BAG4: variants seen among roughly 807,000 people sequenced by gnomAD.
BAG4 encodes BAG family molecular chaperone regulator 4.
Under a neutral mutation model 52.1 loss-of-function variants are expected in BAG4, and 28 were observed. The observed-to-expected ratio is 0.54, with a 90% CI of 0.40 to 0.74. The LOEUF is 0.74. Ranked by LOEUF, BAG4 falls within the 30% of genes least tolerant of loss-of-function variation. The pLI is 0.00. For missense variants in BAG4, 525 were observed against 572.0 expected (o/e 0.92, Z 0.84); for synonymous variants, 208 against 217.0 (o/e 0.96, Z 0.37).
chr8:38,188,597 A>G (rs1803408527), intron 1 of BAG4, among the ~76,000 whole-genome samples: 1 of 150,158 alleles, frequency 6.7e-6, no homozygotes, highest in African/African-American at 2.4e-5. Flanking sequence ...ACATATATAT[A>G]TGCATGTATA....
At position 38,207,364 on chromosome 8, in the gene BAG4, A is replaced by T. The variant is rs146081415; in HGVS notation, c.379-148A>T. On this transcript the variant is annotated intron_variant, in intron 2 of 4. Coordinates refer to ENST00000287322, the MANE Select transcript of BAG4 (RefSeq NM_004874.4). ...TGATTCTCCCACCTTGGGCTCCCAAAGTGCTGGGATTACAGGCATGAGCCA... is the reference window on the plus strand; with the variant it reads ...TGATTCTCCCACCTTGGGCTCCCAATGTGCTGGGATTACAGGCATGAGCCA... 1.1e-3 allele frequency: 954 copies of T among 863,578 alleles called. 5 individuals are homozygous for T. In the African/African-American group the frequency reaches 0.015, roughly 13 times the overall value. The allele number at this position is 863,578 out of a possible 1,614,324, so 53.5% of individuals were successfully genotyped here. A position where few individuals can be genotyped will look rare whatever the true frequency, so the allele number is the denominator to read the frequency against.
Position 38,180,522 on chromosome 8 carries a change from C to CAAAAAAAAAAAAAAAAAAAAAAAA in BAG4, c.270+3386_270+3409dup, listed in dbSNP as rs1161178024. Among the ~76,000 whole-genome samples the CAAAAAAAAAAAAAAAAAAAAAAAA allele has an allele frequency of 7.5e-5, 2 of 26,498 alleles. 1 individual carries two copies. Among genetic ancestry groups the CAAAAAAAAAAAAAAAAAAAAAAAA allele is most frequent in the Non-Finnish European group, 1.5e-4 (2 of 12,916 alleles). The allele number at this position is 26,498 out of a possible 152,430, so 17.4% of individuals were successfully genotyped here. A position where few individuals can be genotyped will look rare whatever the true frequency, so the allele number is the denominator to read the frequency against. Reference sequence around the variant, plus strand: ...TGGGCAGCAAAGCGAGACTCCGTCTCAAAAAAAAAAAAAAAAAAAAAAAAA... The same window carrying CAAAAAAAAAAAAAAAAAAAAAAAA: ...TGGGCAGCAAAGCGAGACTCCGTCTCAAAAAAAAAAAAAAAAAAAAAAAAAAAAAAAAAAAAAAAAAAAAAAAAA... On this transcript the variant is annotated intron_variant, in intron 1 of 4. Coordinates refer to ENST00000287322, the MANE Select transcript of BAG4 (RefSeq NM_004874.4).
At chr8:38,204,888 AT>A (rs1177774614) in intron 2 of BAG4, among the ~76,000 whole-genome samples, 12 of 152,296 alleles carry the variant, frequency 7.9e-5, no homozygotes, top group African/African-American at 2.9e-4. Flanking sequence ...TTTCTTTAAA[AT>A]ATAAGGAAGT....
intron 2 of BAG4, among the ~76,000 whole-genome samples, chr8:38,197,626 G>A (rs959345342): frequency 2.0e-5 from 3 of 152,128 alleles, no homozygotes; most frequent in African/African-American, 7.2e-5. Context: ...TGTACACTTA[G>A]TTTACCATAA....
chr8:38,200,614 T>G (rs958510698), intron 2 of BAG4, among the ~76,000 whole-genome samples: 1 of 152,198 alleles, frequency 6.6e-6, no homozygotes, highest in Non-Finnish European at 1.5e-5. Context: ...CTTTTTTTTT[T>G]TGAGCTGGAG....
At chr8:38,190,439 A>G (rs1803455593) in intron 1 of BAG4, among the ~76,000 whole-genome samples, 1 of 151,504 alleles carries the variant, frequency 6.6e-6, no homozygotes, top group African/African-American at 2.4e-5. Flanking sequence ...TTTTCTTTTT[A>G]AAGATGGGGT....
intron 2 of BAG4, among the ~76,000 whole-genome samples, chr8:38,198,384 CAAA>C (rs554403620): frequency 2.1e-5 from 2 of 94,152 alleles, no homozygotes; most frequent in Admixed American, 1.1e-4. Flanking sequence ...ACTCCCATCT[CAAA>C]AAAAAAAAAA....
intron 1 of BAG4, among the ~76,000 whole-genome samples, chr8:38,177,411 ATC>A (rs1803181307): frequency 6.6e-6 from 1 of 152,136 alleles, no homozygotes; most frequent in Non-Finnish European, 1.5e-5. Flanking sequence ...CAGGCTGCAG[ATC>A]TCTCTCCTGG....
At chr8:38,186,249 CT>C (rs1330897171) in intron 1 of BAG4, among the ~76,000 whole-genome samples, 2 of 152,118 alleles carry the variant, frequency 1.3e-5, no homozygotes, top group African/African-American at 2.4e-5. Context: ...CTCCTTTACC[CT>C]TGCTTTTCAA....
intron 4 of BAG4, 37 bp downstream of exon 4, chr8:38,209,304 T>C: frequency 1.2e-6 from 2 of 1,612,666 alleles, no homozygotes; most frequent in Non-Finnish European, 1.7e-6. Flanking sequence ...AATGTGTGTG[T>C]AATTAGGAGA....
intron 2 of BAG4, among the ~76,000 whole-genome samples, chr8:38,196,806 G>T (rs1181864083): frequency 6.6e-6 from 1 of 152,052 alleles, no homozygotes. Flanking sequence ...GCCTGGTGCG[G>T]TGGCTCACAC....
chr8:38,198,441 T>C (rs908801229), intron 2 of BAG4, among the ~76,000 whole-genome samples: 33 of 150,396 alleles, frequency 2.2e-4, no homozygotes, highest in African/African-American at 5.8e-4. Context: ...ATATCCTTAT[T>C]CTATTAAGCT....
intron 1 of BAG4, among the ~76,000 whole-genome samples, chr8:38,179,676 G>T (rs1019907402): frequency 6.6e-6 from 1 of 151,782 alleles, no homozygotes. Context: ...TGAGGCAGGA[G>T]AATCGCTTGA....
intron 1 of BAG4, among the ~76,000 whole-genome samples, chr8:38,190,178 CT>C (rs1563281120): frequency 2.0e-5 from 3 of 152,308 alleles, no homozygotes; most frequent in African/African-American, 7.2e-5. Context: ...CATATTTTAT[CT>C]TTCCTTGTCC....
At chr8:38,192,107 T>C (rs1253323628) in intron 1 of BAG4, among the ~76,000 whole-genome samples, 1 of 152,174 alleles carries the variant, frequency 6.6e-6, no homozygotes, top group Admixed American at 6.5e-5. Flanking sequence ...AGATTGAAGA[T>C]GTATGTGCTT....
rs866888503 is a variant in BAG4, at chr8:38,210,108, A to G, written c.989A>G (p.Asp330Gly). Residue 330 changes from aspartate to glycine, a missense_variant, in exon 5 of 5, where the codon GAT becomes GGT. Around this residue, in one of 2 missense-constraint regions of BAG4, gnomAD observed 238 missense variants for 305.8 expected, o/e 0.78. Transcript: ENST00000287322. Reference sequence around the variant, plus strand: ...GAATCCTCGGGGACAGTGAACAATGATGATTCAGATCTTTTGGATTCCCAA... The same window carrying G: ...GAATCCTCGGGGACAGTGAACAATGGTGATTCAGATCTTTTGGATTCCCAA... Reference protein sequence around the residue: ...QYESSGTVNNDDSDLLDSQVQ... With the variant: ...QYESSGTVNNGDSDLLDSQVQ... 1 of 1,614,178 alleles carries G rather than the reference A, an allele frequency of 6.2e-7. No homozygotes were observed. Among genetic ancestry groups the G allele is most frequent in the South Asian group, 1.1e-5 (1 of 91,070 alleles).
chr8:38,205,429 T>C (rs1361269890), intron 2 of BAG4, among the ~76,000 whole-genome samples: 1 of 152,128 alleles, frequency 6.6e-6, no homozygotes, highest in Non-Finnish European at 1.5e-5. Flanking sequence ...TCCATTGTTA[T>C]AGGACATTTA....
At chr8:38,180,249 G>A (rs190216142) in intron 1 of BAG4, among the ~76,000 whole-genome samples, 7 of 152,154 alleles carry the variant, frequency 4.6e-5, no homozygotes, top group Admixed American at 4.6e-4. Context: ...TTGGCCGGGC[G>A]TGGTGGCTCA....
At chr8:38,179,159 A>G (rs1484556328) in intron 1 of BAG4, among the ~76,000 whole-genome samples, 1 of 148,686 alleles carries the variant, frequency 6.7e-6, no homozygotes, top group Non-Finnish European at 1.5e-5. Context: ...ATTATTTTTT[A>G]TTTTTATTTT....
Sources: allele counts gnomAD v4.1 joint callset (sites outside exome capture counted in the v4.1 genomes callset), GRCh38; gene constraint gnomAD v4.1.1; regional missense constraint gnomAD v4.1.1; transcripts MANE v1.5; gene names NCBI Gene and HGNC (gene_info 2026-07-23, HGNC 2026-07-21).